MROH6: variants seen among roughly 807,000 people sequenced by gnomAD.
MROH6 encodes the protein maestro heat like repeat family member 6.
Under a neutral mutation model 67.7 loss-of-function variants are expected in MROH6, and 62 were observed. The ratio of observed to expected loss-of-function variants is 0.92; its 90% confidence interval spans 0.75 to 1.13. MROH6 has a LOEUF of 1.13. MROH6 is among the 50% of genes most tolerant of loss of function. MROH6 has a pLI of 0.00. For synonymous variants in MROH6, 566 were observed against 470.8 expected (o/e 1.20, Z -2.62); for missense variants, 1,175 against 1,029.1 (o/e 1.14, Z -1.94).
intron 12 of MROH6, 26 bp from the exon 13 acceptor site, chr8:143,567,702 C>A: frequency 6.3e-7 from 1 of 1,575,964 alleles, no homozygotes; most frequent in East Asian, 2.4e-5. Flanking sequence ...TGCATGAGTG[C>A]AGGCCCCACA....
In MROH6 at chr8:143,567,459, C is replaced by G; in HGVS notation, c.1940G>C (p.Gly647Ala). The G allele has an allele frequency of 7.1e-7, 1 of 1,407,078 alleles. No homozygotes were observed. The allele number at this position is 1,407,078 out of a possible 1,614,324, so 87.2% of individuals were successfully genotyped here. The change falls in exon 14 of 14, where the codon GGG becomes GCG. Residue 647 changes from glycine to alanine, a missense_variant. Coordinates refer to ENST00000398882, the MANE Select transcript of MROH6 (RefSeq NM_001100878.2). Reference sequence around the variant, plus strand: ...CGGCTTGGGGTCGCTCTGCAGTCGCCCTAGGTCTGCGAGGAGATCGCGGCT... The same window carrying G: ...CGGCTTGGGGTCGCTCTGCAGTCGCGCTAGGTCTGCGAGGAGATCGCGGCT... The part of the protein sequence containing the change: ...DLLDSLFQDL[G>A]RLQSDPKPAV...
chr8:143,571,529 G>A, intron 3 of MROH6, 138 bp downstream of exon 3: 1 of 1,147,826 alleles, frequency 8.7e-7, no homozygotes, highest in Non-Finnish European at 1.2e-6. Context: ...AATGGATACG[G>A]GGCATGAGTC....
chr8:143,567,934 G>C, intron 11 of MROH6, 46 bp from the exon 12 acceptor site: 1 of 1,494,242 alleles, frequency 6.7e-7, no homozygotes, highest in Non-Finnish European at 9.0e-7. Context: ...CTGATCCTGA[G>C]TGCGGAGGAG....
chr8:143,567,308 G>T lies in MROH6; in HGVS notation c.2091C>A (p.Phe697Leu). 1 of 1,220,984 alleles carries T rather than the reference G, an allele frequency of 8.2e-7. No individual in the cohort carries two copies. Among genetic ancestry groups the T allele is most frequent in the South Asian group, 4.1e-5 (1 of 24,366 alleles). The allele number at this position is 1,220,984 out of a possible 1,614,324, so 75.6% of individuals were successfully genotyped here. A position where few individuals can be genotyped will look rare whatever the true frequency, so the allele number is the denominator to read the frequency against. The change falls in exon 14 of 14, where the codon TTC (phenylalanine) becomes TTA (leucine). Residue 697 changes from phenylalanine to leucine, a missense_variant. By Grantham distance (22) the Phe-to-Leu change is conservative (BLOSUM62 0). Transcript: ENST00000398882. ...APRPARPPPV[F>L]ADSPFQRRSV... Reference sequence around the variant, plus strand: ...TCCGGCGCTGGAAGGGGCTGTCGGCGAAGACTGGTGGGGGCCGGGCGGGGC... The same window carrying T: ...TCCGGCGCTGGAAGGGGCTGTCGGCTAAGACTGGTGGGGGCCGGGCGGGGC...
At position 143,570,425 on chromosome 8, in the gene MROH6, G is replaced by T. The variant is rs1563919214; in HGVS notation, c.906-45C>A. ...GCAGGTGGGCAGTGGGAGCTGAGAG[G>T]GTGACAGCATGCTGGCCCGCCCCAC... On this transcript the variant is annotated intron_variant, in intron 5 of 13. Transcript: ENST00000398882. The T allele has an allele frequency of 2.5e-6, 4 of 1,605,614 alleles. No homozygotes were observed. In the African/African-American group the frequency reaches 4.0e-5, roughly 16 times the overall value.
chr8:143,568,064 T>A, intron 11 of MROH6, 78 bp downstream of exon 11: 1 of 1,522,572 alleles, frequency 6.6e-7, no homozygotes, highest in East Asian at 2.5e-5. Flanking sequence ...GTAGAAACGG[T>A]TGGGGGCCCC....
chr8:143,570,407 G>A (rs772759373), intron 5 of MROH6, 27 bp from the exon 6 acceptor site: 7 of 1,455,508 alleles, frequency 4.8e-6, no homozygotes, highest in African/African-American at 1.4e-5. Flanking sequence ...TGAGCAGGTG[G>A]GCAGTGGGAG....
In MROH6 at chr8:143,572,030, GA is replaced by G. The variant is rs748464124; in HGVS notation, c.447+2del. The G allele has an allele frequency of 6.2e-7, 1 of 1,610,458 alleles. No individual in the cohort carries two copies. Among genetic ancestry groups the G allele is most frequent in the Non-Finnish European group, 8.5e-7 (1 of 1,178,668 alleles). ...GTAGGGCATGAAGTGGGTGAAGGCT[GA>G]CCTGGTCCTCCAACCGCTCGCCCCG... On this transcript the variant is annotated splice_donor_variant, in intron 2 of 13. Coordinates refer to ENST00000398882, the MANE Select transcript of MROH6 (RefSeq NM_001100878.2). LOFTEE classifies it high-confidence loss of function.
In MROH6 at chr8:143,567,285, C is replaced by T. The variant is rs1426570436; in HGVS notation, c.2114G>A (p.Arg705Gln). 52 of 1,222,346 alleles carry T rather than the reference C, an allele frequency of 4.3e-5. No individual in the cohort carries two copies. The East Asian group carries it at 1.4e-3, about 33-fold the overall frequency. The allele number at this position is 1,222,346 out of a possible 1,614,324, so 75.7% of individuals were successfully genotyped here. ...PVFADSPFQR[R>Q]SVAGRWGCSG... ...GCAGCCCCAGCGGCCCGCGACGCTC[C>T]GGCGCTGGAAGGGGCTGTCGGCGAA... is the stretch of plus-strand genomic sequence containing the variant. The change falls in exon 14 of 14, where the codon CGG (arginine) becomes CAG (glutamine). Residue 705 changes from arginine to glutamine, a missense_variant. Physicochemically the swap from Arg to Gln is conservative, Grantham distance 43 (BLOSUM62 1). Transcript: ENST00000398882.
intron 10 of MROH6, 23 bp downstream of exon 10, chr8:143,568,529 G>A: frequency 6.6e-7 from 1 of 1,510,584 alleles, no homozygotes; most frequent in Non-Finnish European, 8.8e-7. Context: ...CATAGGGGTG[G>A]GATGGTGTCG....
At chr8:143,571,133 T>A in intron 3 of MROH6, 139 bp from the exon 4 acceptor site, 1 of 641,836 alleles carries the variant, frequency 1.6e-6, no homozygotes, top group East Asian at 2.8e-5. Context: ...TCTCCCCCCA[T>A]CCCCAAATCT....
At chr8:143,568,301 G>A (rs1042821255) in intron 10 of MROH6, 40 bp from the exon 11 acceptor site, 46 of 1,571,860 alleles carry the variant, frequency 2.9e-5, no homozygotes, top group Non-Finnish European at 3.8e-5. Flanking sequence ...GGTCCAGGAA[G>A]TAGAAAGGCA....
At position 143,566,286 on chromosome 8, in the gene MROH6, T is replaced by C. The variant is rs1326891490; in HGVS notation, c.*953A>G. 6.6e-6 allele frequency: 1 copy of C among 152,182 alleles called. No individual in the cohort carries two copies. 9.4% of individuals were successfully genotyped at this position (152,182 alleles called of 1,614,324 possible). A position where few individuals can be genotyped will look rare whatever the true frequency, so the allele number is the denominator to read the frequency against. ...CACGCCTGTGCCTGAGGGGCCCCAG[T>C]CTGGGCAAGTGGTCCCAGCCCTTCA... On this transcript the variant is annotated 3_prime_UTR_variant, in exon 14 of 14. Transcript: ENST00000398882.
At chr8:143,571,504 A>C (rs1824034976) in intron 3 of MROH6, among the ~76,000 whole-genome samples, 163 bp downstream of exon 3, 1 of 152,144 alleles carries the variant, frequency 6.6e-6, no homozygotes, top group African/African-American at 2.4e-5. Context: ...CGGAGCTAAA[A>C]ATGAGGGGAG....
Position 143,569,657 on chromosome 8 carries a change from C to G in MROH6, c.1302+40G>C, listed in dbSNP as rs544025596. 1.8e-5 allele frequency: 28 copies of G among 1,599,166 alleles called. No homozygotes were observed. The East Asian group carries it at 5.6e-4, about 32-fold the overall frequency. ...CAGCCTCTTGCAGACCTCGCCGCGA[C>G]CGGGCCAAGCCCCTCTCCACCCCTC... On this transcript the variant is annotated intron_variant, in intron 8 of 13. Coordinates refer to ENST00000398882, the MANE Select transcript of MROH6 (RefSeq NM_001100878.2).
At chr8:143,571,527 CG>C (rs761115200) in intron 3 of MROH6, 139 bp downstream of exon 3, 6 of 1,112,966 alleles carry the variant, frequency 5.4e-6, no homozygotes, top group African/African-American at 3.2e-5. Context: ...GGAATGGATA[CG>C]GGGCATGAGT....
Position 143,570,066 on chromosome 8 carries a change from CTGGGG to C in MROH6, c.1044-6_1044-2del. On this transcript the variant is annotated splice_acceptor_variant and splice_polypyrimidine_tract_variant and intron_variant, in intron 6 of 13. Coordinates refer to ENST00000398882, the MANE Select transcript of MROH6 (RefSeq NM_001100878.2). LOFTEE classifies it high-confidence loss of function. ...GTGGTCGGCATGTGCCACCATAGCACTGGGGTGGGTGGAAATGGGAGCTCTCGCTC... is the reference window on the plus strand; with the variant it reads ...GTGGTCGGCATGTGCCACCATAGCACTGGGTGGAAATGGGAGCTCTCGCTC... The C allele has an allele frequency of 6.2e-7, 1 of 1,609,176 alleles. No individual in the cohort carries two copies. Among genetic ancestry groups the C allele is most frequent in the Non-Finnish European group, 8.5e-7 (1 of 1,178,870 alleles).
chr8:143,570,181 C>G, intron 6 of MROH6, 62 bp downstream of exon 6: 3 of 1,559,032 alleles, frequency 1.9e-6, no homozygotes, highest in Admixed American at 3.5e-5. Flanking sequence ...CTGCCCAGCA[C>G]CTGGCCAGCA....
In MROH6 at chr8:143,571,788, C is replaced by G; in HGVS notation, c.481G>C (p.Val161Leu). 1 of 1,547,396 alleles carries G rather than the reference C, an allele frequency of 6.5e-7. No homozygotes were observed. The highest frequency in any genetic ancestry group is 8.7e-7 in the Non-Finnish European group (1 of 1,147,870). ...GGCCTCCCCTCCGCTAGGCTGGGCA[C>G]CTGCGCCAGCAGCCCACGCACCAGA... is the stretch of plus-strand genomic sequence containing the variant. ...HALVRGLLAQ[V>L]PSLAEGRPWR... The change falls in exon 3 of 14, where the codon GTG becomes CTG. Residue 161 changes from valine to leucine, a missense_variant. By Grantham distance (32) the Val-to-Leu change is conservative. Transcript: ENST00000398882.
Sources: gnomAD v4.1 joint callset for allele counts (sites outside exome capture counted in the v4.1 genomes callset) on GRCh38, gnomAD v4.1.1 for gene constraint, MANE v1.5 for transcripts, NCBI Gene and HGNC (gene_info 2026-07-23, HGNC 2026-07-21) for gene names.